XDH: variants seen among roughly 807,000 people sequenced by gnomAD.
XDH encodes the protein xanthine dehydrogenase/oxidase.
In XDH, 138 loss-of-function variants were observed where a neutral mutation model predicts 156.1. That is an observed-to-expected ratio of 0.88 (90% CI 0.77 to 1.02). XDH has a LOEUF of 1.02. Ranked by LOEUF, XDH falls within the 50% of genes least tolerant of loss-of-function variation. XDH has a pLI of 0.00. For synonymous variants in XDH, 669 were observed against 625.7 expected, an observed-to-expected ratio of 1.07 and a Z score of -1.03; for missense variants, 1,849 against 1,684.9, an observed-to-expected ratio of 1.10 and a Z score of -1.71.
chr2:31,367,141 G>A, intron 20 of XDH, 147 bp from the exon 21 acceptor site: 1 of 1,358,662 alleles, frequency 7.4e-7, no homozygotes, highest in Non-Finnish European at 1.0e-6. Flanking sequence ...ACTTGGGGTG[G>A]AAAAGGATCC....
intron 18 of XDH, among the ~76,000 whole-genome samples, chr2:31,369,484 T>C (rs1489676519): frequency 6.6e-6 from 1 of 152,188 alleles, no homozygotes; most frequent in Non-Finnish European, 1.5e-5. Flanking sequence ...AAGATGAAGT[T>C]TCTGACAATA....
chr2:31,380,788 G>A (rs916537061), intron 12 of XDH, among the ~76,000 whole-genome samples: 2 of 152,148 alleles, frequency 1.3e-5, no homozygotes, highest in African/African-American at 2.4e-5. Context: ...TATCAGAGCC[G>A]GGGTGGTCTT....
chr2:31,340,652 T>C (rs1685101611), intron 33 of XDH, among the ~76,000 whole-genome samples: 1 of 152,118 alleles, frequency 6.6e-6, no homozygotes, highest in Non-Finnish European at 1.5e-5. Flanking sequence ...GTATTTTTAA[T>C]AGAGACGGAG....
Position 31,403,056 on chromosome 2 carries a change from G to C in XDH, c.189C>G (p.Asn63Lys). The C allele has an allele frequency of 6.2e-7, 1 of 1,614,128 alleles. No individual in the cohort carries two copies. The highest frequency in any genetic ancestry group is 8.5e-7 in the Non-Finnish European group (1 of 1,180,018). The change falls in exon 3 of 36, where the codon AAC (asparagine) becomes AAG (lysine). Residue 63 changes from asparagine (N) to lysine (K), a missense_variant. Transcript: ENST00000379416. ...VMLSKYDRLQ[N>K]KIVHFSANAC... ...CAGCAGGCAAAGGATACACGATCTT[G>C]TTCTGCAGACGATCATACTTGGAGA... is the stretch of plus-strand genomic sequence containing the variant.
chr2:31,348,953 C>T lies in XDH; in HGVS notation c.2997G>A (p.Leu999=). The T allele has an allele frequency of 6.2e-7, 1 of 1,613,502 alleles. No individual in the cohort carries two copies. The highest frequency in any genetic ancestry group is 8.5e-7 in the Non-Finnish European group (1 of 1,179,380). The change falls in exon 27 of 36, where the codon TTG becomes TTA. Residue 999 remains leucine (L), a synonymous_variant. Coordinates refer to ENST00000379416, the MANE Select transcript of XDH (RefSeq NM_000379.4). The part of the protein sequence containing the change: ...NKENCWKKRG[L]CIIPTKFGIS... ...TTCCAAACTTGGTGGGAATTATGCA[C>T]AATCCTCTCTTTTTCCAACAATTCT...
intron 2 of XDH, 26 bp from the exon 3 acceptor site, chr2:31,403,170 T>C: frequency 6.2e-7 from 1 of 1,612,874 alleles, no homozygotes. Flanking sequence ...TTAAGGAGAA[T>C]GAACTCAGGG....
At chr2:31,343,716 T>C (rs1432062698) in intron 31 of XDH, among the ~76,000 whole-genome samples, 1 of 148,920 alleles carries the variant, frequency 6.7e-6, no homozygotes, top group African/African-American at 2.4e-5. Flanking sequence ...GTAATATCTA[T>C]ACATATATAT....
intron 25 of XDH, 37 bp from the exon 26 acceptor site, chr2:31,349,868 G>A (rs530156258): frequency 6.2e-7 from 1 of 1,612,828 alleles, no homozygotes; most frequent in African/African-American, 1.3e-5. Context: ...CTTGTTGGCG[G>A]CAAGAGACTG....
chr2:31,374,911 G>A (rs936451128), intron 15 of XDH, among the ~76,000 whole-genome samples: 5 of 151,804 alleles, frequency 3.3e-5, no homozygotes, highest in East Asian at 3.9e-4. Flanking sequence ...TGGATTCCAC[G>A]GCCTCCTGGC....
intron 24 of XDH, among the ~76,000 whole-genome samples, chr2:31,358,996 T>G (rs182044246): frequency 1.3e-5 from 2 of 152,274 alleles, no homozygotes; most frequent in East Asian, 3.9e-4. Flanking sequence ...AATGATTGTC[T>G]GCAGAGAAAA....
At chr2:31,390,130 A>G (rs1686724335) in intron 6 of XDH, among the ~76,000 whole-genome samples, 1 of 152,206 alleles carries the variant, frequency 6.6e-6, no homozygotes, top group African/African-American at 2.4e-5. Flanking sequence ...TCTTACAGAA[A>G]GAGTTATACT....
chr2:31,355,205 A>G (rs1355647100), intron 24 of XDH, among the ~76,000 whole-genome samples: 2 of 152,188 alleles, frequency 1.3e-5, no homozygotes, highest in African/African-American at 4.8e-5. Context: ...GGAACAAGGA[A>G]AAAAATCAAG....
Position 31,377,097 on chromosome 2 carries a change from G to A in XDH, c.1383C>T (p.Asn461=). The A allele has an allele frequency of 6.2e-7, 1 of 1,614,162 alleles. No homozygotes were observed. ...TGGTCTTGAGGGCTGAGATGGTTCT[G>A]TTGGCCATTCCACCATAGCAAAGGG... ...ELALCYGGMA[N]RTISALKTTQ... The change falls in exon 14 of 36, where the codon AAC becomes AAT. Residue 461 remains asparagine (N), a synonymous_variant. Transcript: ENST00000379416.
intron 2 of XDH, 95 bp downstream of exon 2, chr2:31,405,812 G>T: frequency 6.9e-7 from 1 of 1,452,468 alleles, no homozygotes; most frequent in Non-Finnish European, 9.7e-7. Context: ...ACACCTCAAG[G>T]CCACCCCACC....
chr2:31,362,395 G>A (rs1685801082), intron 24 of XDH, among the ~76,000 whole-genome samples: 1 of 152,190 alleles, frequency 6.6e-6, no homozygotes, highest in South Asian at 2.1e-4. Flanking sequence ...ACTTGTGAGA[G>A]GAGCTCCTAC....
rs957704252 is a variant in XDH, at chr2:31,335,469, C to T, written c.*489G>A. The T allele has an allele frequency of 5.0e-6, 1 of 198,220 alleles. No homozygotes were observed. The highest frequency in any genetic ancestry group is 9.5e-5 in the South Asian group (1 of 10,474). 12.3% of individuals were successfully genotyped at this position (198,220 alleles called of 1,614,324 possible). A position where few individuals can be genotyped will look rare whatever the true frequency, so the allele number is the denominator to read the frequency against. Reference sequence around the variant, plus strand: ...TAGAGGATTTAACCTTACCCCACTGCCTCATTGCAAAATTTGAGTATAGAT... The same window carrying T: ...TAGAGGATTTAACCTTACCCCACTGTCTCATTGCAAAATTTGAGTATAGAT... On this transcript the variant is annotated 3_prime_UTR_variant, in exon 36 of 36. Transcript: ENST00000379416.
chr2:31,348,695 T>C (rs1685368670), intron 27 of XDH, among the ~76,000 whole-genome samples: 1 of 152,160 alleles, frequency 6.6e-6, no homozygotes, highest in Non-Finnish European at 1.5e-5. Context: ...GAACTAGAGG[T>C]TGATCCCAGA....
intron 8 of XDH, 151 bp downstream of exon 8, chr2:31,387,660 C>A: frequency 1.4e-6 from 1 of 711,896 alleles, no homozygotes. Context: ...GAGACTCAAC[C>A]TAGGGGAGTG....
chr2:31,337,220 T>C (rs1684990114), intron 35 of XDH, among the ~76,000 whole-genome samples: 1 of 152,096 alleles, frequency 6.6e-6, no homozygotes, highest in African/African-American at 2.4e-5. Flanking sequence ...GTTGATCTAA[T>C]TAATTATTTC....
Sources: allele counts gnomAD v4.1 joint callset (sites outside exome capture counted in the v4.1 genomes callset), GRCh38; gene constraint gnomAD v4.1.1; transcripts MANE v1.5; gene names NCBI Gene and HGNC (gene_info 2026-07-23, HGNC 2026-07-21).